The following TMEM132B variants were observed in gnomAD, a reference collection of about 807,000 sequenced individuals.
The protein encoded by TMEM132B is transmembrane protein 132B.
In TMEM132B, 18 loss-of-function variants were observed where a neutral mutation model predicts 90.8. That is an observed-to-expected ratio of 0.20 (90% confidence interval 0.14 to 0.29). TMEM132B has a LOEUF of 0.29. Ranked by LOEUF, TMEM132B falls within the 10% of genes least tolerant of loss-of-function variation. TMEM132B has a pLI of 1.00. For missense variants in TMEM132B, 1,096 were observed against 1,326.8 expected (o/e 0.83, Z 2.70); for synonymous variants, 504 against 523.3 (o/e 0.96, Z 0.50).
intron 2 of TMEM132B, among the ~76,000 whole-genome samples, chr12:125,393,208 T>G (rs1165268305): frequency 1.3e-5 from 2 of 152,232 alleles, no homozygotes; most frequent in African/African-American, 4.8e-5. Flanking sequence ...TGCTGCATTT[T>G]GGGTGTTTGA....
intron 3 of TMEM132B, among the ~76,000 whole-genome samples, chr12:125,429,206 T>C (rs927252800): frequency 3.4e-5 from 5 of 149,054 alleles, no homozygotes; most frequent in Admixed American, 6.7e-5. Flanking sequence ...TCCTCTTTCT[T>C]TTTTTTTTTT....
At chr12:125,250,651 C>A (rs1173577438) in intron 1 of TMEM132B, among the ~76,000 whole-genome samples, 1 of 152,238 alleles carries the variant, frequency 6.6e-6, no homozygotes, top group African/African-American at 2.4e-5. Context: ...AATTGAGCAT[C>A]CCCTTTGCTT....
At chr12:125,296,685 C>A (rs555969625) in intron 1 of TMEM132B, among the ~76,000 whole-genome samples, 1 of 152,232 alleles carries the variant, frequency 6.6e-6, no homozygotes, top group South Asian at 2.1e-4. Flanking sequence ...CAGCACCTGG[C>A]GGGGGCTCCT....
At chr12:125,493,215 TC>T (rs1882403479) in intron 3 of TMEM132B, among the ~76,000 whole-genome samples, 2 of 152,134 alleles carry the variant, frequency 1.3e-5, no homozygotes, top group African/African-American at 4.8e-5. Flanking sequence ...AGGAGGGCAT[TC>T]CCAGCTAGTG....
At chr12:125,480,844 A>G (rs1294968384) in intron 3 of TMEM132B, among the ~76,000 whole-genome samples, 3 of 152,220 alleles carry the variant, frequency 2.0e-5, no homozygotes, top group African/African-American at 4.8e-5. Context: ...GATGAACATC[A>G]ATGCGAATAT....
At chr12:125,593,674 G>T (rs74668646) in intron 5 of TMEM132B, among the ~76,000 whole-genome samples, 1 of 152,092 alleles carries the variant, frequency 6.6e-6, no homozygotes, top group Non-Finnish European at 1.5e-5. Flanking sequence ...TTCATGTTTG[G>T]GTACTTGGTT....
At chr12:125,643,009 G>A (rs75941034) in intron 5 of TMEM132B, among the ~76,000 whole-genome samples, 1 of 152,298 alleles carries the variant, frequency 6.6e-6, no homozygotes, top group Non-Finnish European at 1.5e-5. Flanking sequence ...CTTTAAGTTT[G>A]GAAGTGGGCA....
chr12:125,333,955 A>G (rs1454078302), intron 1 of TMEM132B, among the ~76,000 whole-genome samples: 1 of 152,166 alleles, frequency 6.6e-6, no homozygotes, highest in African/African-American at 2.4e-5. Context: ...GGCTGGCTAC[A>G]TAATTTGCAG....
At chr12:125,192,141 T>C (rs1398340374) in intron 1 of TMEM132B, among the ~76,000 whole-genome samples, 2 of 152,198 alleles carry the variant, frequency 1.3e-5, no homozygotes, top group African/African-American at 4.8e-5. Context: ...TAGCCCTTCG[T>C]TAGATTTTAT....
rs1280926149 is a variant in TMEM132B, at chr12:125,650,879, G to A, written c.1840G>A (p.Glu614Lys). 20 of 1,613,994 alleles carry A rather than the reference G, an allele frequency of 1.2e-5. No individual in the cohort carries two copies. Among genetic ancestry groups the A allele is most frequent in the Non-Finnish European group, 1.7e-5 (20 of 1,180,026 alleles). The change falls in exon 7 of 9, where the codon GAG (glutamate) becomes AAG (lysine). Residue 614 changes from glutamate (E) to lysine (K), a missense_variant. Transcript: ENST00000682704. ...TDLVTEFMKV[E>K]EPKIAQLQDG... ...CCTTGTGACCGAGTTCATGAAGGTGGAGGAGCCGAAAATCGCTCAGTTACA... is the reference window on the plus strand; with the variant it reads ...CCTTGTGACCGAGTTCATGAAGGTGAAGGAGCCGAAAATCGCTCAGTTACA...
intron 1 of TMEM132B, among the ~76,000 whole-genome samples, chr12:125,276,389 G>T (rs118137952): frequency 6.6e-6 from 1 of 152,316 alleles, no homozygotes; most frequent in East Asian, 1.9e-4. Flanking sequence ...GAACTGCAGA[G>T]AGTTGTTTTG....
At chr12:125,524,436 G>A (rs1212005402) in intron 4 of TMEM132B, among the ~76,000 whole-genome samples, 1 of 152,140 alleles carries the variant, frequency 6.6e-6, no homozygotes, top group Non-Finnish European at 1.5e-5. Flanking sequence ...AAGAGTGAGG[G>A]CTATTGGGTC....
At chr12:125,352,275 C>T (rs1316860033) in intron 2 of TMEM132B, among the ~76,000 whole-genome samples, 1 of 152,244 alleles carries the variant, frequency 6.6e-6, no homozygotes, top group African/African-American at 2.4e-5. Context: ...AAAGAGCTTT[C>T]TAAGACAATT....
intron 4 of TMEM132B, among the ~76,000 whole-genome samples, chr12:125,545,195 A>G (rs1334159638): frequency 3.3e-5 from 5 of 152,198 alleles, no homozygotes; most frequent in African/African-American, 1.2e-4. Flanking sequence ...TCCAAGGTTA[A>G]TGTTTGTATA....
intron 5 of TMEM132B, among the ~76,000 whole-genome samples, chr12:125,592,810 C>G (rs960630177): frequency 1.3e-5 from 2 of 152,138 alleles, no homozygotes; most frequent in Non-Finnish European, 2.9e-5. Flanking sequence ...TGTCACTGAG[C>G]AACATACATG....
intron 4 of TMEM132B, among the ~76,000 whole-genome samples, chr12:125,561,853 T>C (rs1884540964): frequency 6.6e-6 from 1 of 152,278 alleles, no homozygotes; most frequent in South Asian, 2.1e-4. Flanking sequence ...TCTTAAGGGC[T>C]CTAGGATTTG....
At chr12:125,364,627 G>A (rs948860320) in intron 2 of TMEM132B, among the ~76,000 whole-genome samples, 5 of 152,054 alleles carry the variant, frequency 3.3e-5, no homozygotes, top group African/African-American at 1.2e-4. Flanking sequence ...TGGGTCTTCC[G>A]ATATAAGAAC....
At chr12:125,455,066 A>T (rs1352307566) in intron 3 of TMEM132B, among the ~76,000 whole-genome samples, 1 of 152,160 alleles carries the variant, frequency 6.6e-6, no homozygotes, top group African/African-American at 2.4e-5. Flanking sequence ...GCAACAAACA[A>T]CCATTGACGA....
In TMEM132B at chr12:125,251,524, T is replaced by C. The variant is rs1336103619; in HGVS notation, c.67+64658T>C. On this transcript the variant is annotated intron_variant, in intron 1 of 8. Coordinates refer to ENST00000682704, the MANE Select transcript of TMEM132B (RefSeq NM_001366854.1). This position sits in a 1 kb window ranked among gnomAD's most constrained non-coding sequence, Gnocchi z 4.4. Reference sequence around the variant, plus strand: ...TGGGTTTAAGAAATTCGCTGCTCTCTGCCTATCTTTGAACTCTTTTGATAG... The same window carrying C: ...TGGGTTTAAGAAATTCGCTGCTCTCCGCCTATCTTTGAACTCTTTTGATAG... Among the ~76,000 whole-genome samples the C allele has an allele frequency of 6.6e-6, 1 of 152,208 alleles. No individual in the cohort carries two copies. Among genetic ancestry groups the C allele is most frequent in the Non-Finnish European group, 1.5e-5 (1 of 68,040 alleles).
Sources: allele counts gnomAD v4.1 joint callset (sites outside exome capture counted in the v4.1 genomes callset), GRCh38; gene constraint gnomAD v4.1.1; non-coding constraint Gnocchi (gnomAD v3.1); transcripts MANE v1.5; gene names NCBI Gene and HGNC (gene_info 2026-07-23, HGNC 2026-07-21).